RAD51B: variants seen among roughly 807,000 people sequenced by gnomAD.
The protein encoded by RAD51B is RAD51 paralog B.
A neutral mutation model predicts 42.2 loss-of-function variants in RAD51B; 38 were observed. The ratio of observed to expected loss-of-function variants is 0.90; its 90% CI spans 0.70 to 1.18. RAD51B has a LOEUF of 1.18. RAD51B is among the 50% of genes most tolerant of loss of function. RAD51B has a pLI of 0.00. For missense variants in RAD51B, 373 were observed against 400.7 expected (o/e 0.93, Z 0.59); for synonymous variants, 154 against 145.2 (o/e 1.06, Z -0.43).
chr14:68,221,461 A>G (rs748568727), intron 7 of RAD51B, among the ~76,000 whole-genome samples: 3 of 152,246 alleles, frequency 2.0e-5, no homozygotes, highest in Non-Finnish European at 2.9e-5. Flanking sequence ...TATTCAACAA[A>G]TGGTGCTGGG....
intron 5 of RAD51B, 99 bp downstream of exon 5, chr14:67,865,238 T>A (rs1337822621): frequency 3.5e-6 from 4 of 1,158,578 alleles, no homozygotes; most frequent in Non-Finnish European, 4.5e-6. Context: ...CCCTCCCCCT[T>A]GCCTTTTTTT....
At chr14:68,239,579 C>A (rs1251936186) in intron 7 of RAD51B, among the ~76,000 whole-genome samples, 1 of 151,386 alleles carries the variant, frequency 6.6e-6, no homozygotes, top group Non-Finnish European at 1.5e-5. Flanking sequence ...ATGTTTTCTT[C>A]AACTCACTGC....
downstream of RAD51B, among the ~76,000 whole-genome samples, chr14:68,481,175 G>T (rs1427228871): frequency 6.6e-6 from 1 of 152,166 alleles, no homozygotes; most frequent in Non-Finnish European, 1.5e-5. Flanking sequence ...CACGAACCTT[G>T]AGATAGGTGA....
intron 4 of RAD51B, chr14:67,843,552 A>G (rs1411251985): frequency 2.0e-5 from 3 of 152,000 alleles, no homozygotes; most frequent in African/African-American, 2.4e-5. Context: ...TGGTCTGTTC[A>G]TTAGTTTAAT....
At chr14:68,602,518 C>A (rs11845204) in intron 10 of RAD51B, among the ~76,000 whole-genome samples, 75,917 of 131,966 alleles carry the variant, frequency 0.58, 19,896 homozygotes, top group African/African-American at 0.63. Context: ...AGATAGATAG[C>A]TAGCTAGATA....
intron 7 of RAD51B, among the ~76,000 whole-genome samples, chr14:68,103,167 C>A (rs1417358592): frequency 6.6e-6 from 1 of 152,062 alleles, no homozygotes; most frequent in African/African-American, 2.4e-5. Flanking sequence ...AACCAGTCAA[C>A]CCCCACACCA....
intron 4 of RAD51B, among the ~76,000 whole-genome samples, chr14:67,836,761 G>A (rs1239075971): frequency 6.6e-6 from 1 of 152,092 alleles, no homozygotes; most frequent in African/African-American, 2.4e-5. Flanking sequence ...CACTACACCT[G>A]GCCAACCTTT....
chr14:67,989,635 CA>C (rs764608072), intron 7 of RAD51B, among the ~76,000 whole-genome samples: 1,415 of 66,874 alleles, frequency 0.021, 5 homozygotes, highest in East Asian at 0.15. Context: ...AACTCTGTCT[CA>C]AAAAAAAAAA....
chr14:68,675,053 C>T (rs1595059073), intron 11 of RAD51B, among the ~76,000 whole-genome samples: 1 of 152,120 alleles, frequency 6.6e-6, no homozygotes, highest in African/African-American at 2.4e-5. Flanking sequence ...AAAAGACAGT[C>T]GACAGCCTAA....
chr14:68,603,144 C>T (rs1268234746), intron 10 of RAD51B, among the ~76,000 whole-genome samples: 1 of 152,198 alleles, frequency 6.6e-6, no homozygotes, highest in East Asian at 1.9e-4. Flanking sequence ...TCAGACATCT[C>T]TAATCCCCCA....
intron 10 of RAD51B, among the ~76,000 whole-genome samples, chr14:68,524,938 G>A (rs1475021272): frequency 1.3e-5 from 2 of 152,222 alleles, no homozygotes; most frequent in Non-Finnish European, 2.9e-5. Flanking sequence ...TCTGTGGCCT[G>A]TGATAGGCAG....
intron 7 of RAD51B, among the ~76,000 whole-genome samples, chr14:68,211,783 G>T (rs1258220047): frequency 1.3e-5 from 2 of 152,250 alleles, no homozygotes; most frequent in African/African-American, 4.8e-5. Flanking sequence ...GCAAACACTG[G>T]TTGTGCCCTG....
intron 7 of RAD51B, among the ~76,000 whole-genome samples, chr14:68,147,023 G>T (rs951836283): frequency 6.6e-6 from 1 of 152,164 alleles, no homozygotes; most frequent in African/African-American, 2.4e-5. Flanking sequence ...GAGGAATTTG[G>T]CAAGCATTGA....
At chr14:68,334,932 CACAT>C (rs745535389) in intron 8 of RAD51B, among the ~76,000 whole-genome samples, 9 of 137,712 alleles carry the variant, frequency 6.5e-5, no homozygotes, top group Admixed American at 1.6e-4. Flanking sequence ...TATATACACA[CACAT>C]ATATAAGTAT....
chr14:68,258,894 C>T (rs2139532679), intron 7 of RAD51B, among the ~76,000 whole-genome samples: 1 of 152,288 alleles, frequency 6.6e-6, no homozygotes, highest in East Asian at 1.9e-4. Flanking sequence ...TCTAGAATAT[C>T]AAGAGCAGGA....
At chr14:68,431,298 A>G (rs2084997889) in intron 9 of RAD51B, among the ~76,000 whole-genome samples, 3 of 151,958 alleles carry the variant, frequency 2.0e-5, no homozygotes, top group Non-Finnish European at 4.4e-5. Flanking sequence ...CTCTTTTTCT[A>G]TTGATTGGAA....
chr14:68,635,779 CACACTAAGAACCTA>C (rs1472268768), intron 10 of RAD51B, among the ~76,000 whole-genome samples: 1 of 152,096 alleles, frequency 6.6e-6, no homozygotes, highest in Non-Finnish European at 1.5e-5. Flanking sequence ...CTAGACAGAC[CACACTAAGAACCTA>C]GGGCAAGGAC....
intron 4 of RAD51B, among the ~76,000 whole-genome samples, chr14:67,845,688 A>G (rs1264002837): frequency 6.6e-6 from 1 of 152,084 alleles, no homozygotes; most frequent in Non-Finnish European, 1.5e-5. Context: ...ACACAAAAAA[A>G]CACACACACG....
rs143140679 is a variant in RAD51B, at chr14:67,845,594, G to C, written c.315+10398G>C. Among the ~76,000 whole-genome samples, 1,041 of 152,252 alleles carry C rather than the reference G, an allele frequency of 6.8e-3. 27 individuals are homozygous for C. Among genetic ancestry groups the C allele is most frequent in the Non-Finnish European group, 3.7e-3 (255 of 68,006 alleles). The stretch of plus-strand genomic sequence containing the variant: ...GAGGTGGGAGGACTGCTTGGGCCCA[G>C]GAGGTCATTGCTGCAGTGAGCCATG... On this transcript the variant is annotated intron_variant, in intron 4 of 10. Transcript: ENST00000471583.
Sources: gnomAD v4.1 joint callset for allele counts (sites outside exome capture counted in the v4.1 genomes callset) on GRCh38, gnomAD v4.1.1 for gene constraint, MANE v1.5 for transcripts, NCBI Gene and HGNC (gene_info 2026-07-23, HGNC 2026-07-21) for gene names.